TRAPPC9: variants seen among roughly 807,000 people sequenced by gnomAD.
TRAPPC9 encodes the protein trafficking protein particle complex subunit 9.
TRAPPC9 carries 83 observed loss-of-function variants against 124.0 expected under a neutral mutation model. The ratio of observed to expected loss-of-function variants is 0.67; its 90% CI spans 0.56 to 0.80. The LOEUF is 0.80. Among genes scored for constraint, TRAPPC9 ranks in the 30% least tolerant of loss-of-function variants. TRAPPC9 has a pLI of 0.00. For synonymous variants in TRAPPC9, 638 were observed against 617.5 expected (o/e 1.03, Z -0.49); for missense variants, 1,302 against 1,508.3 (o/e 0.86, Z 2.27).
chr8:139,977,558 CAG>C (rs1164754170), intron 19 of TRAPPC9, among the ~76,000 whole-genome samples: 10 of 147,878 alleles, frequency 6.8e-5, no homozygotes, highest in African/African-American at 2.5e-4. Flanking sequence ...GCAGAGCTTG[CAG>C]AGAGCGGAGA....
chr8:139,864,159 C>T (rs1378190349), intron 21 of TRAPPC9, among the ~76,000 whole-genome samples: 3 of 152,166 alleles, frequency 2.0e-5, no homozygotes, highest in African/African-American at 7.2e-5. Flanking sequence ...CCTGTGCTGT[C>T]CTTGGATGAG....
chr8:139,905,842 A>G (rs1831322096), intron 20 of TRAPPC9, among the ~76,000 whole-genome samples: 1 of 152,068 alleles, frequency 6.6e-6, no homozygotes, highest in Admixed American at 6.5e-5. Context: ...TGCCTGTAAT[A>G]CCAACACTTT....
At chr8:140,267,327 GCACA>G (rs2064706949) in intron 15 of TRAPPC9, among the ~76,000 whole-genome samples, 2 of 152,222 alleles carry the variant, frequency 1.3e-5, no homozygotes. Context: ...CAGAAATGAT[GCACA>G]CACCAAGAAC....
At chr8:139,908,870 T>C (rs1456833050) in intron 20 of TRAPPC9, 1 of 152,202 alleles carries the variant, frequency 6.6e-6, no homozygotes, top group Non-Finnish European at 1.5e-5. Flanking sequence ...TTTTTACTTC[T>C]CTCTGTACCA....
chr8:139,971,914 T>C (rs1386573119), intron 19 of TRAPPC9, among the ~76,000 whole-genome samples: 1 of 151,896 alleles, frequency 6.6e-6, no homozygotes. Flanking sequence ...GTCCACCTCC[T>C]GGGTTCAAGC....
In TRAPPC9 at chr8:140,370,920, A is replaced by C. The variant is rs368429858; in HGVS notation, c.1351+44T>G. ...GGGGCTGAAACAGCATGTGACCATC[A>C]GACAGAAAGCAACACCTTAGCGCCA... On this transcript the variant is annotated intron_variant, in intron 8 of 22. Transcript: ENST00000438773. The C allele has an allele frequency of 8.1e-6, 13 of 1,605,940 alleles. No homozygotes were observed. In the African/African-American group the frequency reaches 1.5e-4, roughly 18 times the overall value.
At chr8:139,873,166 T>G (rs1303490307) in intron 21 of TRAPPC9, among the ~76,000 whole-genome samples, 1 of 152,016 alleles carries the variant, frequency 6.6e-6, no homozygotes, top group African/African-American at 2.4e-5. Flanking sequence ...AGGATAAAAG[T>G]AAGCGAATGA....
rs1053779457 is a variant in TRAPPC9, at chr8:139,776,662, C to CTG, written c.3056-44462_3056-44461dup. On this transcript the variant is annotated intron_variant, in intron 21 of 22. Coordinates refer to ENST00000438773, the MANE Select transcript of TRAPPC9 (RefSeq NM_001160372.4). The surrounding 1 kb of genome is among the most constrained non-coding windows in gnomAD (Gnocchi z 4.1). ...CATCTGCCTGTGTGCACGTGTGTGT[C>CTG]TGTGTGTGTGTGCGCACACACACAC... Among the ~76,000 whole-genome samples the CTG allele has an allele frequency of 2.6e-5, 4 of 151,780 alleles. No individual in the cohort carries two copies. Among genetic ancestry groups the CTG allele is most frequent in the East Asian group, 3.9e-4 (2 of 5,130 alleles).
intron 18 of TRAPPC9, among the ~76,000 whole-genome samples, chr8:140,016,934 TCA>T: frequency 6.6e-6 from 1 of 152,248 alleles, no homozygotes; most frequent in Non-Finnish European, 1.5e-5. Flanking sequence ...TCTGGCTGTT[TCA>T]CATTCTCCCT....
intron 21 of TRAPPC9, among the ~76,000 whole-genome samples, chr8:139,749,562 C>T (rs1819176725): frequency 6.6e-6 from 1 of 152,234 alleles, no homozygotes; most frequent in African/African-American, 2.4e-5. Flanking sequence ...GAACCCCTCT[C>T]ACCCTGTACC....
At chr8:139,940,469 G>T (rs780379714) in intron 19 of TRAPPC9, among the ~76,000 whole-genome samples, 2 of 152,178 alleles carry the variant, frequency 1.3e-5, no homozygotes, top group Non-Finnish European at 2.9e-5. Context: ...GAAATGGGGG[G>T]GATTTTAAAA....
intron 17 of TRAPPC9, among the ~76,000 whole-genome samples, chr8:140,047,101 C>G (rs906796805): frequency 6.6e-6 from 1 of 152,234 alleles, no homozygotes; most frequent in Non-Finnish European, 1.5e-5. Context: ...TCTAGCCCAA[C>G]CCTGCCTGGG....
At chr8:140,291,391 G>A (rs368475531) in intron 11 of TRAPPC9, 31 of 434,400 alleles carry the variant, frequency 7.1e-5, no homozygotes, top group East Asian at 1.5e-4. Context: ...TGCGCTTCAC[G>A]GGGCCCAGAA....
Position 140,072,556 on chromosome 8 carries a change from GAGGAGGAGGAGAAAGGA to G in TRAPPC9, c.2557-48494_2557-48478del, listed in dbSNP as rs1252313451. Reference sequence around the variant, plus strand: ...GGAGGAGGAGGAGGAGGAAGAGGAGGAGGAGGAGGAGAAAGGAAGGAGGAGGAGGAGAAGGGAAGGAG... The same window carrying G: ...GGAGGAGGAGGAGGAGGAAGAGGAGGAGGAGGAGGAGGAGAAGGGAAGGAG... On this transcript the variant is annotated intron_variant, in intron 17 of 22. Coordinates refer to ENST00000438773, the MANE Select transcript of TRAPPC9 (RefSeq NM_001160372.4). Among the ~76,000 whole-genome samples the G allele has an allele frequency of 6.9e-4, 25 of 36,082 alleles. No homozygotes were observed. The East Asian group carries it at 0.015, about 22-fold the overall frequency. The allele number at this position is 36,082 out of a possible 152,430, so 23.7% of individuals were successfully genotyped here. A position where few individuals can be genotyped will look rare whatever the true frequency, so the allele number is the denominator to read the frequency against.
intron 19 of TRAPPC9, among the ~76,000 whole-genome samples, chr8:139,940,546 G>C (rs919266798): frequency 6.6e-6 from 1 of 152,228 alleles, no homozygotes; most frequent in Non-Finnish European, 1.5e-5. Flanking sequence ...GAGGCAGGAC[G>C]TGGAGAGCGG....
chr8:140,162,112 T>C (rs2130895056), intron 17 of TRAPPC9, among the ~76,000 whole-genome samples: 1 of 152,234 alleles, frequency 6.6e-6, no homozygotes, highest in Admixed American at 6.5e-5. Flanking sequence ...ACCACTCTAT[T>C]TCTGTAAATT....
chr8:140,440,706 T>G (rs35234118), intron 2 of TRAPPC9, among the ~76,000 whole-genome samples: 64,879 of 151,632 alleles, frequency 0.43, 15,330 homozygotes, highest in Non-Finnish European at 0.52. Flanking sequence ...TTTCACAGGA[T>G]GCTCAATTCA....
chr8:140,181,148 C>T (rs2062193261), intron 17 of TRAPPC9, among the ~76,000 whole-genome samples: 1 of 152,166 alleles, frequency 6.6e-6, no homozygotes. Context: ...GTGAAGTTCC[C>T]TAAGCTCTAT....
At chr8:140,106,215 C>G (rs112090430) in intron 17 of TRAPPC9, among the ~76,000 whole-genome samples, 1,543 of 152,226 alleles carry the variant, frequency 0.01, 28 homozygotes, top group African/African-American at 0.035. Context: ...GCCATCAGAT[C>G]GTGCCATCAG....
Sources: allele counts gnomAD v4.1 joint callset (sites outside exome capture counted in the v4.1 genomes callset), GRCh38; gene constraint gnomAD v4.1.1; non-coding constraint Gnocchi (gnomAD v3.1); transcripts MANE v1.5; gene names NCBI Gene and HGNC (gene_info 2026-07-23, HGNC 2026-07-21).